The following ACSS3 variants were observed in gnomAD, a reference collection of about 807,000 sequenced individuals.
ACSS3 encodes acyl-CoA synthetase short-chain family member 3, mitochondrial.
A neutral mutation model predicts 84.2 loss-of-function variants in ACSS3; 64 were observed. The ratio of observed to expected loss-of-function variants is 0.76; its 90% CI spans 0.62 to 0.94. The LOEUF is 0.94. Among genes scored for constraint, ACSS3 ranks in the 40% least tolerant of loss-of-function variants. ACSS3 has a pLI of 0.00. For missense variants in ACSS3, 815 were observed against 867.6 expected (o/e 0.94, Z 0.76); for synonymous variants, 317 against 310.1 (o/e 1.02, Z -0.23).
intron 7 of ACSS3, among the ~76,000 whole-genome samples, chr12:81,153,423 A>G (rs1886712804): frequency 6.6e-6 from 1 of 150,884 alleles, no homozygotes; most frequent in South Asian, 2.1e-4. Flanking sequence ...AAAAAAAAAA[A>G]GGTGAAGAAA....
At chr12:81,237,331 A>G (rs982064295) in intron 13 of ACSS3, among the ~76,000 whole-genome samples, 3 of 151,544 alleles carry the variant, frequency 2.0e-5, no homozygotes, top group Non-Finnish European at 3.0e-5. Context: ...GCAAATCACT[A>G]TAGGTCTAAT....
chr12:81,097,330 A>T (rs1306915524), intron 1 of ACSS3, among the ~76,000 whole-genome samples: 1 of 152,234 alleles, frequency 6.6e-6, no homozygotes, highest in African/African-American at 2.4e-5. Flanking sequence ...CAGAGAATAC[A>T]CATAAATCAG....
At chr12:81,078,564 A>G (rs1035095362) in intron 1 of ACSS3, 133 bp downstream of exon 1, 19 of 968,040 alleles carry the variant, frequency 2.0e-5, no homozygotes, top group Non-Finnish European at 2.7e-5. Flanking sequence ...CAGACCCCTC[A>G]ATTCGTGTTT....
At chr12:81,121,624 TA>T (rs985802682) in intron 2 of ACSS3, among the ~76,000 whole-genome samples, 17 of 152,252 alleles carry the variant, frequency 1.1e-4, no homozygotes, top group African/African-American at 4.1e-4. Context: ...CCCACAAAGC[TA>T]ATCAAGCTCA....
At chr12:81,165,338 G>A (rs2049267887) in intron 7 of ACSS3, among the ~76,000 whole-genome samples, 1 of 152,012 alleles carries the variant, frequency 6.6e-6, no homozygotes, top group Admixed American at 6.6e-5. Context: ...TATATTCAAG[G>A]AATTAAGATT....
intron 2 of ACSS3, among the ~76,000 whole-genome samples, chr12:81,118,616 T>C (rs1884268893): frequency 1.3e-5 from 2 of 152,156 alleles, no homozygotes; most frequent in African/African-American, 4.8e-5. Context: ...AAAATAAATA[T>C]CAGATCTTAC....
chr12:81,144,177 G>C (rs1159417771), intron 5 of ACSS3, among the ~76,000 whole-genome samples: 1 of 151,540 alleles, frequency 6.6e-6, no homozygotes. Context: ...GGAAATTTAA[G>C]ATGTTCCATA....
At chr12:81,241,610 G>GT (rs1391699737) in intron 13 of ACSS3, among the ~76,000 whole-genome samples, 3 of 152,150 alleles carry the variant, frequency 2.0e-5, no homozygotes, top group Non-Finnish European at 2.9e-5. Flanking sequence ...TTTTTCATGT[G>GT]TTTTTTGGCT....
At chr12:81,187,631 A>G (rs2031341861) in intron 8 of ACSS3, among the ~76,000 whole-genome samples, 1 of 151,956 alleles carries the variant, frequency 6.6e-6, no homozygotes, top group Non-Finnish European at 1.5e-5. Context: ...CAAATCAGAC[A>G]AGTAAATAAT....
chr12:81,225,131 T>C (rs1480353028), intron 11 of ACSS3, among the ~76,000 whole-genome samples: 1 of 151,802 alleles, frequency 6.6e-6, no homozygotes, highest in Admixed American at 6.6e-5. Flanking sequence ...TGGAACATAT[T>C]CCATGTAGAT....
chr12:81,108,964 A>T (rs1883325950), intron 1 of ACSS3, among the ~76,000 whole-genome samples: 1 of 152,318 alleles, frequency 6.6e-6, no homozygotes, highest in Admixed American at 6.5e-5. Context: ...TGAATTGCAA[A>T]GGCTTTCAAA....
intron 13 of ACSS3, 102 bp downstream of exon 13, chr12:81,233,573 T>G: frequency 2.1e-6 from 3 of 1,432,244 alleles, no homozygotes. Flanking sequence ...ACCACACCCT[T>G]CATTTGCAGC....
In ACSS3 at chr12:81,243,580, G is replaced by A. The variant is rs181954468; in HGVS notation, c.1720-9727G>A. On this transcript the variant is annotated intron_variant, in intron 13 of 15. Transcript: ENST00000548058. Reference sequence around the variant, plus strand: ...AATCCTAAGCCAGAAGAACAAAGCTGGAGGCATCACGCTACCTGACTTCAA... The same window carrying A: ...AATCCTAAGCCAGAAGAACAAAGCTAGAGGCATCACGCTACCTGACTTCAA... Among the ~76,000 whole-genome samples the A allele has an allele frequency of 3.9e-5, 6 of 152,230 alleles. No homozygotes were observed. The East Asian group carries it at 9.7e-4, about 24-fold the overall frequency.
intron 1 of ACSS3, among the ~76,000 whole-genome samples, chr12:81,091,758 G>A (rs1881682112): frequency 6.6e-6 from 1 of 152,010 alleles, no homozygotes; most frequent in Admixed American, 6.6e-5. Flanking sequence ...TCTAAAAGAT[G>A]ATTTTACTCT....
intron 13 of ACSS3, among the ~76,000 whole-genome samples, chr12:81,249,838 G>A (rs145945832): frequency 6.6e-6 from 1 of 152,182 alleles, no homozygotes; most frequent in East Asian, 1.9e-4. Context: ...TTATGAGGGT[G>A]TTTGATTTGA....
At chr12:81,211,369 T>C (rs757523616) in intron 9 of ACSS3, among the ~76,000 whole-genome samples, 1 of 152,184 alleles carries the variant, frequency 6.6e-6, no homozygotes, top group Non-Finnish European at 1.5e-5. Flanking sequence ...AATCACATCA[T>C]GTCAAAATGG....
intron 7 of ACSS3, among the ~76,000 whole-genome samples, chr12:81,155,928 T>C (rs543285908): frequency 1.3e-5 from 2 of 152,256 alleles, no homozygotes; most frequent in East Asian, 3.9e-4. Flanking sequence ...CATAGAAAAC[T>C]ATTCTCGACA....
At chr12:81,250,665 A>G (rs941362851) in intron 13 of ACSS3, among the ~76,000 whole-genome samples, 4 of 152,098 alleles carry the variant, frequency 2.6e-5, no homozygotes, top group Non-Finnish European at 4.4e-5. Context: ...TGGGTGATTT[A>G]TTTTTTAACA....
In ACSS3 at chr12:81,259,777, T is replaced by A. The variant is rs1309197832; in HGVS notation, c.*4855T>A. 2.5e-6 allele frequency: 2 copies of A among 805,824 alleles called. No homozygotes were observed. The highest frequency in any genetic ancestry group is 2.3e-4 in the Middle Eastern group (1 of 4,298). The allele number at this position is 805,824 out of a possible 1,614,324, so 49.9% of individuals were successfully genotyped here. On this transcript the variant is annotated 3_prime_UTR_variant, in exon 16 of 16. Coordinates refer to ENST00000548058, the MANE Select transcript of ACSS3 (RefSeq NM_024560.4). Reference sequence around the variant, plus strand: ...TGCTTACTCCTGTCCTAGAAGATCATGAGAAGGAAATCATCTAGGATGTAG... The same window carrying A: ...TGCTTACTCCTGTCCTAGAAGATCAAGAGAAGGAAATCATCTAGGATGTAG...
Sources: gnomAD v4.1 joint callset for allele counts (sites outside exome capture counted in the v4.1 genomes callset) on GRCh38, gnomAD v4.1.1 for gene constraint, MANE v1.5 for transcripts, NCBI Gene and HGNC (gene_info 2026-07-23, HGNC 2026-07-21) for gene names.